The following RBFOX1 variants were observed in gnomAD, a reference collection of about 807,000 sequenced individuals.
The protein encoded by RBFOX1 is RNA binding protein fox-1 homolog 1.
Under a neutral mutation model 57.7 loss-of-function variants are expected in RBFOX1, and 8 were observed. The observed-to-expected ratio is 0.14, with a 90% CI of 0.08 to 0.25. The LOEUF (loss-of-function observed/expected upper bound fraction) is 0.25, where lower values mean the gene tolerates loss of function less well. RBFOX1 is among the 10% of genes least tolerant of loss of function. RBFOX1 has a pLI of 1.00. For missense variants in RBFOX1, 611 were observed against 548.5 expected, an observed-to-expected ratio of 1.11 and a Z score of -1.14; for synonymous variants, 326 against 222.4, an observed-to-expected ratio of 1.47 and a Z score of -4.15.
At chr16:5,718,038 G>A (rs9939075) in intron 3 of RBFOX1, among the ~76,000 whole-genome samples, 28,766 of 152,100 alleles carry the variant, frequency 0.19, 4,287 homozygotes, top group African/African-American at 0.41. Context: ...TTTGCCTCTT[G>A]ACTTTGGTAT....
At chr16:6,602,394 A>G (rs1282961315) in intron 2 of RBFOX1, among the ~76,000 whole-genome samples, 1 of 152,176 alleles carries the variant, frequency 6.6e-6, no homozygotes, top group South Asian at 2.1e-4. Context: ...TAAGGAAAAC[A>G]GCAAACCGTT....
chr16:7,394,235 C>CAAAAAAAAAAA (rs59934126), intron 4 of RBFOX1, among the ~76,000 whole-genome samples: 13 of 55,038 alleles, frequency 2.4e-4, no homozygotes, highest in African/African-American at 6.7e-4. Flanking sequence ...GACTCCGCAT[C>CAAAAAAAAAAA]AAAAAAAAAA....
chr16:5,975,821 A>G (rs962248961), intron 4 of RBFOX1, among the ~76,000 whole-genome samples: 6 of 152,340 alleles, frequency 3.9e-5, no homozygotes, highest in African/African-American at 1.4e-4. Context: ...CGCTCGACAT[A>G]TAGTAATAAC....
At chr16:7,249,429 G>C (rs1013909851) in intron 4 of RBFOX1, among the ~76,000 whole-genome samples, 1 of 152,098 alleles carries the variant, frequency 6.6e-6, no homozygotes, top group African/African-American at 2.4e-5. Context: ...AGAAATTGGA[G>C]CTTTATACCA....
intron 4 of RBFOX1, among the ~76,000 whole-genome samples, chr16:5,975,969 C>G (rs904143024): frequency 6.6e-6 from 1 of 151,970 alleles, no homozygotes; most frequent in Non-Finnish European, 1.5e-5. Flanking sequence ...CACGGTGAAA[C>G]CCCATCTCTG....
intron 4 of RBFOX1, among the ~76,000 whole-genome samples, chr16:7,198,450 T>A (rs1358829620): frequency 6.6e-6 from 1 of 152,234 alleles, no homozygotes; most frequent in Non-Finnish European, 1.5e-5. Flanking sequence ...GAATTCCACC[T>A]CCATTGCAAA....
At chr16:6,482,934 A>T (rs1051759337) in intron 2 of RBFOX1, among the ~76,000 whole-genome samples, 48 of 152,192 alleles carry the variant, frequency 3.2e-4, no homozygotes, top group African/African-American at 1.1e-3. Context: ...ATTGGTTGTC[A>T]AGTGCGGACT....
chr16:7,102,872 G>A (rs550554390), intron 4 of RBFOX1, among the ~76,000 whole-genome samples: 4 of 152,076 alleles, frequency 2.6e-5, no homozygotes, highest in African/African-American at 4.8e-5. Flanking sequence ...AATCCAAAAC[G>A]CATGCACTTC....
At chr16:5,939,697 T>G (rs1229197012) in intron 4 of RBFOX1, among the ~76,000 whole-genome samples, 1 of 151,458 alleles carries the variant, frequency 6.6e-6, no homozygotes, top group East Asian at 1.9e-4. Context: ...GTGGCTCCAT[T>G]TTTTAAAAAA....
intron 3 of RBFOX1, among the ~76,000 whole-genome samples, chr16:6,938,671 G>C (rs539308170): frequency 1.3e-5 from 2 of 152,262 alleles, no homozygotes; most frequent in South Asian, 4.1e-4. Flanking sequence ...ATTTTTGGTA[G>C]AATTGGGGCT....
intron 3 of RBFOX1, among the ~76,000 whole-genome samples, chr16:6,751,150 C>T (rs1265231354): frequency 1.3e-5 from 2 of 152,092 alleles, no homozygotes; most frequent in Non-Finnish European, 2.9e-5. Flanking sequence ...GTGGCCTTTT[C>T]ATTTACTTTA....
chr16:6,220,684 A>T (rs1362314), intron 1 of RBFOX1, among the ~76,000 whole-genome samples: 142,164 of 151,898 alleles, frequency 0.94, 67,197 homozygotes, highest in East Asian at 1. Context: ...CTGTAGATGT[A>T]TTTTTCATTA....
At chr16:7,221,530 C>T (rs540333547) in intron 4 of RBFOX1, among the ~76,000 whole-genome samples, 193 of 152,042 alleles carry the variant, frequency 1.3e-3, no homozygotes, top group African/African-American at 4.4e-3. Flanking sequence ...TCACACCTAG[C>T]TAATTTTTGT....
At chr16:6,319,637 A>T (rs140336648) in intron 2 of RBFOX1, among the ~76,000 whole-genome samples, 1 of 152,280 alleles carries the variant, frequency 6.6e-6, no homozygotes, top group African/African-American at 2.4e-5. Context: ...ACAGGTCTAG[A>T]GTAACAGATT....
rs958459458 is a variant in RBFOX1, at chr16:7,332,293, A to C, written c.28-185854A>C. Among the ~76,000 whole-genome samples, 5 of 152,224 alleles carry C rather than the reference A, an allele frequency of 3.3e-5. No individual in the cohort carries two copies. The East Asian group carries it at 9.6e-4, about 29-fold the overall frequency. ...ACTTCAGAGACTTGTTGTGAGAATG[A>C]AATTACATAACACGTGTAAATAATT... is the stretch of plus-strand genomic sequence containing the variant. On this transcript the variant is annotated intron_variant, in intron 4 of 15. Transcript: ENST00000550418.
At chr16:7,688,355 C>T (rs932306237) in intron 14 of RBFOX1, among the ~76,000 whole-genome samples, 1 of 151,462 alleles carries the variant, frequency 6.6e-6, no homozygotes, top group Non-Finnish European at 1.5e-5. Context: ...ATATATTTAA[C>T]AATAGCAATG....
At chr16:7,184,282 A>G (rs1263843972) in intron 4 of RBFOX1, among the ~76,000 whole-genome samples, 3 of 152,182 alleles carry the variant, frequency 2.0e-5, no homozygotes, top group African/African-American at 7.2e-5. Context: ...GACAATAGGA[A>G]GCTGTGGAAT....
In RBFOX1 at chr16:7,624,949, G is replaced by GAAGA. The variant is rs560638717; in HGVS notation, c.677-5647_677-5644dup. 7.2e-5 allele frequency among the ~76,000 whole-genome samples: 11 copies of GAAGA among 152,304 alleles called. 1 individual carries two copies. The South Asian group carries it at 1.9e-3, about 26-fold the overall frequency. ...AAAAGTGTAATAGGCAAGAAAGGAG[G>GAAGA]AAGAAAGAAAAGAACAGCTTCCCCA... is the stretch of plus-strand genomic sequence containing the variant. On this transcript the variant is annotated intron_variant, in intron 10 of 15. Transcript: ENST00000550418.
chr16:5,646,922 C>G (rs992354106), intron 3 of RBFOX1, among the ~76,000 whole-genome samples: 7 of 152,112 alleles, frequency 4.6e-5, no homozygotes, highest in Non-Finnish European at 8.8e-5. Context: ...CGTGAGCCAC[C>G]ACGCCCAGCC....
Sources: allele counts gnomAD v4.1 joint callset (sites outside exome capture counted in the v4.1 genomes callset), GRCh38; gene constraint gnomAD v4.1.1; transcripts MANE v1.5; gene names NCBI Gene and HGNC (gene_info 2026-07-23, HGNC 2026-07-21).